The following ATCAY variants were observed in gnomAD, a reference collection of about 807,000 sequenced individuals.
The protein encoded by ATCAY is ATCAY kinesin light chain interacting caytaxin.
Under a neutral mutation model 47.7 loss-of-function variants are expected in ATCAY, and 22 were observed. The ratio of observed to expected loss-of-function variants is 0.46; its 90% CI spans 0.33 to 0.66. The LOEUF (loss-of-function observed/expected upper bound fraction) is 0.66, where lower values mean the gene tolerates loss of function less well. Among genes scored for constraint, ATCAY ranks in the 30% least tolerant of loss-of-function variants. ATCAY has a pLI of 0.02. For synonymous variants in ATCAY, 216 were observed against 207.6 expected (o/e 1.04, Z -0.35); for missense variants, 452 against 515.0 (o/e 0.88, Z 1.18).
At chr19:3,908,498 G>A in intron 6 of ATCAY, 128 bp downstream of exon 6, 5 of 869,134 alleles carry the variant, frequency 5.8e-6, no homozygotes, top group East Asian at 2.6e-5. Context: ...AGGGCGTGGT[G>A]GCCACAGACC....
At chr19:3,919,794 G>C (rs757550573) in intron 11 of ATCAY, among the ~76,000 whole-genome samples, 1 of 150,972 alleles carries the variant, frequency 6.6e-6, no homozygotes, top group African/African-American at 2.4e-5. Flanking sequence ...TCATATTATC[G>C]CAATCTCAAT....
chr19:3,916,237 C>T (rs935973125), intron 9 of ATCAY, among the ~76,000 whole-genome samples: 1 of 152,180 alleles, frequency 6.6e-6, no homozygotes. Context: ...CCTTCCTTTT[C>T]ATGGCTGAAT....
intron 1 of ATCAY, 59 bp downstream of exon 1, chr19:3,881,067 G>C (rs375159907): frequency 2.3e-4 from 35 of 152,254 alleles, no homozygotes; most frequent in African/African-American, 8.4e-4. Context: ...AGGTTTATCC[G>C]GCAGCCTTTG....
rs2038991275 is a variant in ATCAY at position 3,918,870 on chromosome 19, G to A, written c.1066G>A (p.Glu356Lys). Residue 356 changes from glutamate (E) to lysine (K), a missense_variant, in exon 11 of 13, where the codon GAA (glutamate) becomes AAA (lysine). Glu to Lys is a moderately conservative substitution (Grantham distance 56). Transcript: ENST00000450849. ...AGAGAAGCCAGAGGTGGCACCAGTG[G>A]AAAACAGGTAGGTGTGCAGGGGACC... ...SEEKPEVAPV[E>K]NRSALVSEDQ... The A allele has an allele frequency of 6.2e-7, 1 of 1,614,018 alleles. No homozygotes were observed. The highest frequency in any genetic ancestry group is 8.5e-7 in the Non-Finnish European group (1 of 1,179,876).
At chr19:3,909,356 A>C (rs1291363815) in intron 6 of ATCAY, 130 bp from the exon 7 acceptor site, 1 of 1,050,940 alleles carries the variant, frequency 9.5e-7, no homozygotes, top group African/African-American at 1.6e-5. Context: ...CCAGGACAGC[A>C]GACAACACCT....
rs2038943285 is a variant in ATCAY, at chr19:3,913,872, GTCCACCCCGCCGTAT to G, written c.965+18_965+32del. 6.3e-7 allele frequency: 1 copy of G among 1,581,548 alleles called. No homozygotes were observed. The highest frequency in any genetic ancestry group is 1.8e-5 in the Admixed American group (1 of 56,658). On this transcript the variant is annotated intron_variant, in intron 9 of 12. Transcript: ENST00000450849. ...GCGTCCTGCAGTGAGTGGCCCCACA[GTCCACCCCGCCGTAT>G]TAGTCTGTTTTCGTGCTGCTGATAA... is the stretch of plus-strand genomic sequence containing the variant.
chr19:3,886,601 A>G (rs1466240392), intron 2 of ATCAY, among the ~76,000 whole-genome samples: 1 of 151,340 alleles, frequency 6.6e-6, no homozygotes, highest in Non-Finnish European at 1.5e-5. Context: ...AAGAAAAAAA[A>G]AAAAATTAGC....
rs943341358 is a variant in ATCAY at position 3,908,467 on chromosome 19, A to G, written c.647+97A>G. 242 of 1,164,620 alleles carry G rather than the reference A, an allele frequency of 2.1e-4. 1 individual carries two copies. The Middle Eastern group carries it at 2.2e-3, about 10-fold the overall frequency. 72.1% of individuals were successfully genotyped at this position (1,164,620 alleles called of 1,614,324 possible). On this transcript the variant is annotated intron_variant, in intron 6 of 12. Transcript: ENST00000450849. ...GCAAGGATTGCATTGTGGCCCTAGG[A>G]AGCCTGCCTGGCACCAGGGAAGGGC...
intron 12 of ATCAY, among the ~76,000 whole-genome samples, chr19:3,921,242 G>A (rs760416889): frequency 2.6e-5 from 4 of 151,786 alleles, no homozygotes; most frequent in African/African-American, 7.3e-5. Context: ...CGGGCGCAGC[G>A]TCTCACGCCT....
Position 3,905,467 on chromosome 19 carries a change from A to G in ATCAY, c.170A>G (p.His57Arg), listed in dbSNP as rs1437111292. 5 of 1,613,338 alleles carry G rather than the reference A, an allele frequency of 3.1e-6. No individual in the cohort carries two copies. Among genetic ancestry groups the G allele is most frequent in the East Asian group, 2.2e-5 (1 of 44,886 alleles). Reference protein sequence around the residue: ...PPNTLNFNGAHRKRKTLVAPE... With the variant: ...PPNTLNFNGARRKRKTLVAPE... The stretch of plus-strand genomic sequence containing the variant: ...AACACGCTAAATTTCAACGGAGCGC[A>G]TCGTAAGAGGAAGACGCTGGTGGCC... Residue 57 changes from histidine to arginine, a missense_variant, in exon 4 of 13, where the codon CAT becomes CGT. Coordinates refer to ENST00000450849, the MANE Select transcript of ATCAY (RefSeq NM_033064.5).
At chr19:3,906,567 T>C (rs925240992) in intron 4 of ATCAY, among the ~76,000 whole-genome samples, 1 of 151,942 alleles carries the variant, frequency 6.6e-6, no homozygotes, top group Admixed American at 6.6e-5. Context: ...CCTCCCAAAG[T>C]GCTGGGATCA....
intron 12 of ATCAY, 116 bp from the exon 13 acceptor site, chr19:3,924,467 C>T (rs1355078767): frequency 3.2e-6 from 4 of 1,262,608 alleles, no homozygotes; most frequent in South Asian, 2.5e-5. Flanking sequence ...ACTCTTGCTG[C>T]TGGGAGTTCA....
chr19:3,923,906 G>C (rs1399657892), intron 12 of ATCAY, among the ~76,000 whole-genome samples: 1 of 149,656 alleles, frequency 6.7e-6, no homozygotes, highest in African/African-American at 2.5e-5. Flanking sequence ...ATGGCTAGAT[G>C]TGTGGGTGGT....
rs181685446 is a variant in ATCAY at position 3,901,724 on chromosome 19, C to T, written c.78-763C>T. 5.4e-3 allele frequency among the ~76,000 whole-genome samples: 827 copies of T among 152,274 alleles called. 8 individuals carry two copies. The highest frequency in any genetic ancestry group is 9.9e-3 in the Admixed American group (151 of 15,266). On this transcript the variant is annotated intron_variant, in intron 2 of 12. Coordinates refer to ENST00000450849, the MANE Select transcript of ATCAY (RefSeq NM_033064.5). ...AAAGAAAAAACATGCTGGGCGGGCGCGGTGGCTCATGCCTGTAATCCCAGC... is the reference window on the plus strand; with the variant it reads ...AAAGAAAAAACATGCTGGGCGGGCGTGGTGGCTCATGCCTGTAATCCCAGC...
chr19:3,921,284 G>A (rs922028484), intron 12 of ATCAY, among the ~76,000 whole-genome samples: 1 of 151,760 alleles, frequency 6.6e-6, no homozygotes, highest in East Asian at 1.9e-4. Context: ...GCCGAGGCAG[G>A]CGGATCATTT....
intron 3 of ATCAY, among the ~76,000 whole-genome samples, chr19:3,904,610 CA>C (rs370174134): frequency 1.9e-4 from 29 of 150,746 alleles, no homozygotes; most frequent in African/African-American, 7.2e-4. Flanking sequence ...TCTTTTTTTC[CA>C]TACATATAGG....
In ATCAY at chr19:3,927,782, C is replaced by G. The variant is rs909922703; in HGVS notation, c.*3190C>G. 1 of 152,222 alleles carries G rather than the reference C, an allele frequency of 6.6e-6. No individual in the cohort carries two copies. Among genetic ancestry groups the G allele is most frequent in the Non-Finnish European group, 1.5e-5 (1 of 68,068 alleles). The allele number at this position is 152,222 out of a possible 1,614,324, so 9.4% of individuals were successfully genotyped here. On this transcript the variant is annotated 3_prime_UTR_variant, in exon 13 of 13. Coordinates refer to ENST00000450849, the MANE Select transcript of ATCAY (RefSeq NM_033064.5). ...TTCCCAGCTGGGCCACGACCTGCAC[C>G]GTCCACAGATGGGCTTTGAGATGGA...
At chr19:3,915,916 C>T (rs2038962938) in intron 9 of ATCAY, among the ~76,000 whole-genome samples, 1 of 151,960 alleles carries the variant, frequency 6.6e-6, no homozygotes, top group South Asian at 2.1e-4. Context: ...TCTTGAACTC[C>T]TGACCTCAGT....
chr19:3,908,452 C>CA (rs1239689392), intron 6 of ATCAY, 82 bp downstream of exon 6: 1 of 1,290,204 alleles, frequency 7.8e-7, no homozygotes, highest in Non-Finnish European at 1.1e-6. Context: ...GCAAGGATTG[C>CA]ATTGTGGCCC....
Sources: gnomAD v4.1 joint callset for allele counts (sites outside exome capture counted in the v4.1 genomes callset) on GRCh38, gnomAD v4.1.1 for gene constraint, MANE v1.5 for transcripts, NCBI Gene and HGNC (gene_info 2026-07-23, HGNC 2026-07-21) for gene names.